EHBP1: variants seen among roughly 807,000 people sequenced by gnomAD.
EHBP1 encodes EH domain-binding protein 1.
Under a neutral mutation model 144.0 loss-of-function variants are expected in EHBP1, and 55 were observed. The observed-to-expected ratio is 0.38, with a 90% CI of 0.31 to 0.48. The LOEUF (loss-of-function observed/expected upper bound fraction) is 0.48, where lower values mean the gene tolerates loss of function less well. EHBP1 is among the 20% of genes least tolerant of loss of function. EHBP1 has a pLI of 0.98. For synonymous variants in EHBP1, 469 were observed against 472.7 expected, an observed-to-expected ratio of 0.99 and a Z score of 0.10; for missense variants, 1,200 against 1,364.2, an observed-to-expected ratio of 0.88 and a Z score of 1.90.
At chr2:62,787,776 C>T (rs2042915821) in intron 5 of EHBP1, among the ~76,000 whole-genome samples, 1 of 152,186 alleles carries the variant, frequency 6.6e-6, no homozygotes, top group South Asian at 2.1e-4. Context: ...CTGGCTCAGC[C>T]TCTGAAATGT....
intron 5 of EHBP1, among the ~76,000 whole-genome samples, chr2:62,819,584 T>A (rs917286696): frequency 3.3e-5 from 5 of 151,664 alleles, no homozygotes; most frequent in African/African-American, 1.2e-4. Context: ...GCCAACATGG[T>A]GAAACCCCGT....
chr2:62,858,157 T>C (rs979700728), intron 7 of EHBP1, among the ~76,000 whole-genome samples: 8 of 152,210 alleles, frequency 5.3e-5, no homozygotes, highest in African/African-American at 1.7e-4. Context: ...GTTTTGTGTT[T>C]ATTAACATAG....
chr2:63,011,142 C>CAAAAAAAAA (rs58109395), intron 19 of EHBP1, among the ~76,000 whole-genome samples: 1 of 43,898 alleles, frequency 2.3e-5, no homozygotes, highest in African/African-American at 8.5e-5. Flanking sequence ...CCTCACTTGT[C>CAAAAAAAAA]AAAAAAAAAA....
chr2:62,951,661 A>G (rs2153099448), intron 13 of EHBP1, among the ~76,000 whole-genome samples: 1 of 151,380 alleles, frequency 6.6e-6, no homozygotes, highest in Non-Finnish European at 1.5e-5. Context: ...AGTAGCTGAG[A>G]CTACAGGTGT....
chr2:62,891,005 C>T (rs1319701369), intron 10 of EHBP1, among the ~76,000 whole-genome samples: 1 of 151,896 alleles, frequency 6.6e-6, no homozygotes, highest in Non-Finnish European at 1.5e-5. Flanking sequence ...TGGTGAAACC[C>T]CGTCTTTACT....
At chr2:62,863,225 C>T (rs1345917444) in intron 8 of EHBP1, among the ~76,000 whole-genome samples, 1 of 152,098 alleles carries the variant, frequency 6.6e-6, no homozygotes, top group African/African-American at 2.4e-5. Context: ...GCGGAGGTTG[C>T]AGTGAGCCGA....
intron 10 of EHBP1, among the ~76,000 whole-genome samples, chr2:62,898,308 GCA>G (rs2053109488): frequency 6.6e-6 from 1 of 152,108 alleles, no homozygotes; most frequent in East Asian, 1.9e-4. Flanking sequence ...GAATTGTCAG[GCA>G]CAGTTATTGT....
intron 10 of EHBP1, among the ~76,000 whole-genome samples, chr2:62,885,445 A>T (rs1473625827): frequency 6.6e-6 from 1 of 152,228 alleles, no homozygotes; most frequent in African/African-American, 2.4e-5. Flanking sequence ...AAGTAAACTG[A>T]CATTAAACAT....
chr2:62,839,234 C>CA (rs1193247426), intron 7 of EHBP1, among the ~76,000 whole-genome samples: 4 of 152,098 alleles, frequency 2.6e-5, no homozygotes, highest in Non-Finnish European at 5.9e-5. Context: ...GAACCAAAGA[C>CA]AAAAACCCCA....
At chr2:62,904,507 A>G (rs1289817768) in intron 10 of EHBP1, among the ~76,000 whole-genome samples, 2 of 152,190 alleles carry the variant, frequency 1.3e-5, no homozygotes, top group Non-Finnish European at 1.5e-5. Context: ...GTCAGCCAGG[A>G]CTGGAACTTG....
At chr2:62,983,666 G>C (rs1026993815) in intron 15 of EHBP1, among the ~76,000 whole-genome samples, 14 of 152,128 alleles carry the variant, frequency 9.2e-5, no homozygotes, top group Admixed American at 2.0e-4. Flanking sequence ...TCAGCCTCCC[G>C]AGTAGCTGGA....
rs1378555393 is a variant in EHBP1 at position 62,979,323 on chromosome 2, A to G, written c.2596A>G (p.Lys866Glu). 5 of 1,613,730 alleles carry G rather than the reference A, an allele frequency of 3.1e-6. No homozygotes were observed. Among genetic ancestry groups the G allele is most frequent in the Non-Finnish European group, 3.4e-6 (4 of 1,179,752 alleles). ...TGCAGAAAAGTTGAAAGAAAGGTCAAAGGCATCTGGAGGTGAGTTAAAGAA... is the reference window on the plus strand; with the variant it reads ...TGCAGAAAAGTTGAAAGAAAGGTCAGAGGCATCTGGAGGTGAGTTAAAGAA... ...MAAEKLKERS[K>E]ASGEQNSKLV... Residue 866 changes from lysine (K) to glutamate (E), a missense_variant, in exon 15 of 23, where the codon AAG (lysine) becomes GAG (glutamate). Physicochemically the swap from Lys to Glu is moderately conservative, Grantham distance 56. Transcript: ENST00000431489.
At chr2:62,776,691 T>G (rs1408014569) in intron 5 of EHBP1, among the ~76,000 whole-genome samples, 1 of 152,208 alleles carries the variant, frequency 6.6e-6, no homozygotes, top group Non-Finnish European at 1.5e-5. Context: ...CCTTATAAAT[T>G]TAATCTAGGA....
chr2:62,939,137 A>G (rs1259958235), intron 10 of EHBP1, among the ~76,000 whole-genome samples: 1 of 152,212 alleles, frequency 6.6e-6, no homozygotes, highest in Non-Finnish European at 1.5e-5. Context: ...GTGAGAGCAG[A>G]CAGATAATAA....
At chr2:62,842,990 TTG>T (rs2048026505) in intron 7 of EHBP1, among the ~76,000 whole-genome samples, 6 of 152,374 alleles carry the variant, frequency 3.9e-5, no homozygotes, top group Admixed American at 3.3e-4. Context: ...TAAACCCTTG[TTG>T]ATTAAACATA....
intron 19 of EHBP1, among the ~76,000 whole-genome samples, chr2:63,026,010 G>C (rs1019436486): frequency 2.0e-5 from 3 of 152,166 alleles, no homozygotes; most frequent in Non-Finnish European, 4.4e-5. Context: ...GCATTGAGGG[G>C]ATTTAAAAAG....
intron 10 of EHBP1, among the ~76,000 whole-genome samples, chr2:62,925,232 A>G (rs1195106864): frequency 2.6e-5 from 4 of 152,198 alleles, no homozygotes; most frequent in Non-Finnish European, 5.9e-5. Flanking sequence ...ACATATGACA[A>G]ACCCACAGCT....
At chr2:62,713,251 CTCT>C (rs1234561965) in intron 2 of EHBP1, among the ~76,000 whole-genome samples, 1 of 148,090 alleles carries the variant, frequency 6.8e-6, no homozygotes, top group African/African-American at 2.5e-5. Context: ...AGGTGCTAAA[CTCT>C]TTTTTTTTTT....
intron 5 of EHBP1, among the ~76,000 whole-genome samples, chr2:62,794,446 AT>A (rs2043396618): frequency 2.0e-5 from 3 of 152,050 alleles, no homozygotes; most frequent in African/African-American, 7.2e-5. Context: ...ATGTATTCAT[AT>A]ATTAAGTAAA....
Sources: allele counts gnomAD v4.1 joint callset (sites outside exome capture counted in the v4.1 genomes callset), GRCh38; gene constraint gnomAD v4.1.1; transcripts MANE v1.5; gene names NCBI Gene and HGNC (gene_info 2026-07-23, HGNC 2026-07-21).